The following SDHAF3 variants were observed in gnomAD, a reference collection of about 807,000 sequenced individuals.
SDHAF3 encodes the protein succinate dehydrogenase assembly factor 3, mitochondrial.
A neutral mutation model predicts 11.5 loss-of-function variants in SDHAF3; 18 were observed. The observed-to-expected ratio is 1.56, with a 90% CI of 1.08 to 2.32. The LOEUF (loss-of-function observed/expected upper bound fraction) is 2.32, where lower values mean the gene tolerates loss of function less well. Ranked by LOEUF, SDHAF3 falls within the 30% of genes most tolerant of loss-of-function variation. The probability of loss-of-function intolerance (pLI) is 0.00; values close to 1 mark genes in which losing one functional copy is unlikely to be tolerated. For missense variants in SDHAF3, 200 were observed against 154.4 expected, an observed-to-expected ratio of 1.30 and a Z score of -1.57; for synonymous variants, 72 against 59.3, an observed-to-expected ratio of 1.21 and a Z score of -0.99.
chr7:97,140,419 C>T (rs1789012025), intron 1 of SDHAF3, among the ~76,000 whole-genome samples: 1 of 142,246 alleles, frequency 7.0e-6, no homozygotes, highest in African/African-American at 2.7e-5. Flanking sequence ...GATCTTGGCT[C>T]ACTGCAAGCT....
At chr7:97,134,877 A>T (rs991377249) in intron 1 of SDHAF3, 1 of 152,228 alleles carries the variant, frequency 6.6e-6, no homozygotes, top group Non-Finnish European at 1.5e-5. Context: ...AGAAACTGAC[A>T]TGTGATCATA....
Position 97,181,145 on chromosome 7 carries a change from A to G in SDHAF3, c.308A>G (p.Glu103Gly). 1 of 1,614,024 alleles carries G rather than the reference A, an allele frequency of 6.2e-7. No homozygotes were observed. ...GATGAACAAATTGGACAGTTGCAGGAGCTGATGCAAGAAGCCACAAAACCC... is the reference window on the plus strand; with the variant it reads ...GATGAACAAATTGGACAGTTGCAGGGGCTGATGCAAGAAGCCACAAAACCC... ...FRDEQIGQLQ[E>G]LMQEATKPNR... The change falls in exon 2 of 2, where the codon GAG (glutamate) becomes GGG (glycine). Residue 103 changes from glutamate to glycine, a missense_variant. By Grantham distance (98) the Glu-to-Gly change is moderately conservative. Coordinates refer to ENST00000432641, the MANE Select transcript of SDHAF3 (RefSeq NM_020186.3).
intron 1 of SDHAF3, among the ~76,000 whole-genome samples, chr7:97,170,455 G>A (rs938160571): frequency 3.9e-5 from 6 of 152,058 alleles, no homozygotes; most frequent in African/African-American, 1.4e-4. Flanking sequence ...TTGTTTCTGG[G>A]AACTTTGGGA....
intron 1 of SDHAF3, among the ~76,000 whole-genome samples, chr7:97,142,301 C>T (rs921284943): frequency 6.6e-6 from 1 of 151,980 alleles, no homozygotes; most frequent in Non-Finnish European, 1.5e-5. Context: ...GATCTGCCCA[C>T]CTCGGCCTCC....
intron 1 of SDHAF3, among the ~76,000 whole-genome samples, chr7:97,119,234 G>A (rs1791454377): frequency 6.6e-6 from 1 of 152,092 alleles, no homozygotes; most frequent in African/African-American, 2.4e-5. Flanking sequence ...AGGTCATTTT[G>A]TGGCCGTACA....
chr7:97,165,876 G>A (rs1789496792), intron 1 of SDHAF3, among the ~76,000 whole-genome samples: 1 of 152,090 alleles, frequency 6.6e-6, no homozygotes, highest in South Asian at 2.1e-4. Flanking sequence ...GGTATTGCTA[G>A]ACAGTGAAGG....
chr7:97,151,158 C>T (rs75096347), intron 1 of SDHAF3, among the ~76,000 whole-genome samples: 13,841 of 152,124 alleles, frequency 0.091, 692 homozygotes, highest in Middle Eastern at 0.14. Flanking sequence ...ACTTTTACTG[C>T]ACACTCCGAA....
intron 1 of SDHAF3, among the ~76,000 whole-genome samples, chr7:97,177,042 A>AT (rs2115752199): frequency 6.6e-6 from 1 of 152,164 alleles, no homozygotes; most frequent in Admixed American, 6.5e-5. Flanking sequence ...ATATTTGTAA[A>AT]TGATATATAT....
At chr7:97,172,681 A>T (rs987016220) in intron 1 of SDHAF3, among the ~76,000 whole-genome samples, 1 of 152,236 alleles carries the variant, frequency 6.6e-6, no homozygotes, top group African/African-American at 2.4e-5. Context: ...GTGAATTATT[A>T]AATAAAGGTT....
intron 1 of SDHAF3, chr7:97,134,882 A>G (rs1791726324): frequency 6.6e-6 from 1 of 152,210 alleles, no homozygotes; most frequent in African/African-American, 2.4e-5. Flanking sequence ...CTGACATGTG[A>G]TCATATTCTA....
At chr7:97,145,434 A>G (rs1789120767) in intron 1 of SDHAF3, among the ~76,000 whole-genome samples, 1 of 152,016 alleles carries the variant, frequency 6.6e-6, no homozygotes, top group Non-Finnish European at 1.5e-5. Context: ...GGGAGTAAAT[A>G]TTTTTTCTAC....
chr7:97,166,715 C>T (rs1789510971), intron 1 of SDHAF3, among the ~76,000 whole-genome samples: 1 of 151,656 alleles, frequency 6.6e-6, no homozygotes, highest in African/African-American at 2.4e-5. Context: ...TTTAGAATGC[C>T]CTTGGCCAAG....
chr7:97,177,780 T>G (rs969065281), intron 1 of SDHAF3, among the ~76,000 whole-genome samples: 13 of 152,372 alleles, frequency 8.5e-5, no homozygotes, highest in African/African-American at 3.1e-4. Flanking sequence ...TTGGTTCTTA[T>G]AATTCCTCAT....
intron 1 of SDHAF3, among the ~76,000 whole-genome samples, chr7:97,166,018 A>G (rs1205824642): frequency 2.0e-5 from 3 of 152,208 alleles, no homozygotes; most frequent in Admixed American, 6.5e-5. Context: ...GCAGGGGTAC[A>G]GGTGTCCTCA....
rs539943629 is a variant in SDHAF3, at chr7:97,181,120, G to A, written c.283G>A (p.Asp95Asn). The A allele has an allele frequency of 1.2e-5, 20 of 1,614,002 alleles. No homozygotes were observed. In the South Asian group the frequency reaches 1.9e-4, roughly 15 times the overall value. Residue 95 changes from aspartate to asparagine, a missense_variant, in exon 2 of 2, where the codon GAT becomes AAT. Coordinates refer to ENST00000432641, the MANE Select transcript of SDHAF3 (RefSeq NM_020186.3). ...AGAAGAAAAACTTAATGACTTTCGT[G>A]ATGAACAAATTGGACAGTTGCAGGA... ...LPEEKLNDFR[D>N]EQIGQLQELM...
intron 1 of SDHAF3, among the ~76,000 whole-genome samples, chr7:97,167,042 T>TG (rs1307295503): frequency 2.1e-5 from 2 of 94,656 alleles, no homozygotes; most frequent in African/African-American, 6.5e-5. Context: ...CAACTTTCAG[T>TG]GATTTTTTTT....
intron 1 of SDHAF3, among the ~76,000 whole-genome samples, chr7:97,118,316 T>C (rs540424124): frequency 7.9e-5 from 12 of 152,354 alleles, no homozygotes; most frequent in African/African-American, 2.9e-4. Context: ...TATTATTTAA[T>C]CTCAGCGCTT....
intron 1 of SDHAF3, among the ~76,000 whole-genome samples, chr7:97,145,384 C>T (rs10248384): frequency 2.5e-3 from 386 of 152,184 alleles, no homozygotes; most frequent in African/African-American, 8.9e-3. Flanking sequence ...TTTGTTGCCA[C>T]TTTAACTATT....
chr7:97,137,363 C>T (rs1788942514), intron 1 of SDHAF3, among the ~76,000 whole-genome samples: 1 of 152,096 alleles, frequency 6.6e-6, no homozygotes, highest in Non-Finnish European at 1.5e-5. Flanking sequence ...TGTCCATGAC[C>T]TTAACAAGTT....
Sources: allele counts gnomAD v4.1 joint callset (sites outside exome capture counted in the v4.1 genomes callset), GRCh38; gene constraint gnomAD v4.1.1; transcripts MANE v1.5; gene names NCBI Gene and HGNC (gene_info 2026-07-23, HGNC 2026-07-21).